The following INSRR variants were observed in gnomAD, a reference collection of about 807,000 sequenced individuals.
INSRR encodes insulin receptor related receptor, also known as insulin receptor-related protein.
INSRR carries 114 observed loss-of-function variants against 130.0 expected under a neutral mutation model. The observed-to-expected ratio is 0.88, with a 90% CI of 0.75 to 1.02. The LOEUF is 1.02. Ranked by LOEUF, INSRR falls within the 50% of genes least tolerant of loss-of-function variation. The pLI is 0.00. For missense variants in INSRR, 1,657 were observed against 1,735.2 expected (o/e 0.95, Z 0.80); for synonymous variants, 674 against 705.2 (o/e 0.96, Z 0.70).
At position 156,854,106 on chromosome 1, in the gene INSRR, G is replaced by A. The variant is rs756943226; in HGVS notation, c.283C>T (p.Arg95Cys). ...LFRVYGLESL[R>C]DLFPNLAVIR... Reference sequence around the variant, plus strand: ...ACTGCTAGGTTGGGGAAGAGGTCGCGCAGGCTCTCCAGTCCGTAGACACGG... The same window carrying A: ...ACTGCTAGGTTGGGGAAGAGGTCGCACAGGCTCTCCAGTCCGTAGACACGG... Residue 95 changes from arginine (R) to cysteine (C), a missense_variant, in exon 2 of 22, where the codon CGC becomes TGC. Coordinates refer to ENST00000368195, the MANE Select transcript of INSRR (RefSeq NM_014215.3). The surrounding 1 kb of genome is among the most constrained non-coding windows in gnomAD (Gnocchi z 4.2). 2.8e-5 allele frequency: 45 copies of A among 1,613,950 alleles called. No individual in the cohort carries two copies. Among genetic ancestry groups the A allele is most frequent in the Non-Finnish European group, 3.5e-5 (41 of 1,180,044 alleles).
At chr1:156,851,860 G>T in intron 3 of INSRR, 28 bp downstream of exon 3, 2 of 1,574,664 alleles carry the variant, frequency 1.3e-6, no homozygotes, top group Non-Finnish European at 1.7e-6. Context: ...ACTGCTCCCA[G>T]GGTGCCCCCC....
chr1:156,848,526 T>C (rs1379902661), intron 7 of INSRR, among the ~76,000 whole-genome samples: 1 of 152,212 alleles, frequency 6.6e-6, no homozygotes, highest in Non-Finnish European at 1.5e-5. Flanking sequence ...TTCCTAAGGC[T>C]TAAATGAAAT....
intron 19 of INSRR, 119 bp downstream of exon 19, chr1:156,841,993 G>A: frequency 6.4e-7 from 1 of 1,564,608 alleles, no homozygotes. Context: ...ACAGGGTGGG[G>A]GTGACTTGCC....
At chr1:156,850,871 TA>T (rs993393116) in intron 5 of INSRR, among the ~76,000 whole-genome samples, 1 of 152,152 alleles carries the variant, frequency 6.6e-6, no homozygotes. Flanking sequence ...CTTTTTATTT[TA>T]AAAAATGCTG....
intron 5 of INSRR, among the ~76,000 whole-genome samples, chr1:156,851,005 T>C (rs1236922820): frequency 6.6e-6 from 1 of 152,252 alleles, no homozygotes. Flanking sequence ...TAGAGTTATA[T>C]GTGACTGTAA....
At chr1:156,845,528 GC>G in intron 10 of INSRR, 90 bp downstream of exon 10, 1 of 1,444,282 alleles carries the variant, frequency 6.9e-7, no homozygotes. Flanking sequence ...CACAAGCAAG[GC>G]CCCACCCACA....
Position 156,854,133 on chromosome 1 carries a change from A to G in INSRR, c.256T>C (p.Phe86Leu). ...LTQVTDYLLL[F>L]RVYGLESLRD... ...AGGCTCTCCAGTCCGTAGACACGGA[A>G]GAGCAGCAGGTAGTCGGTGACCTGG... The change falls in exon 2 of 22, where the codon TTC becomes CTC. Residue 86 changes from phenylalanine (F) to leucine (L), a missense_variant. By Grantham distance (22) the Phe-to-Leu change is conservative. Coordinates refer to ENST00000368195, the MANE Select transcript of INSRR (RefSeq NM_014215.3). The surrounding 1 kb of genome is among the most constrained non-coding windows in gnomAD (Gnocchi z 4.2). The G allele has an allele frequency of 2.5e-6, 4 of 1,614,168 alleles. No individual in the cohort carries two copies. Among genetic ancestry groups the G allele is most frequent in the Non-Finnish European group, 3.4e-6 (4 of 1,180,034 alleles).
In INSRR at chr1:156,851,305, T is replaced by G; in HGVS notation, c.1214A>C (p.Asp405Ala). 1 of 1,614,118 alleles carries G rather than the reference T, an allele frequency of 6.2e-7. No individual in the cohort carries two copies. The highest frequency in any genetic ancestry group is 1.3e-5 in the African/African-American group (1 of 75,018). ...FFKNLKLIRG[D>A]AMVDGNYTLY... ...TAACCCTTACCCATCCACCATGGCG[T>G]CTCCCCGGATTAGTTTGAGGTTCTT... The change falls in exon 5 of 22, where the codon GAC (aspartate) becomes GCC (alanine). Residue 405 changes from aspartate to alanine, a missense_variant. Asp to Ala is a moderately radical substitution (Grantham distance 126). Coordinates refer to ENST00000368195, the MANE Select transcript of INSRR (RefSeq NM_014215.3).
chr1:156,858,446 G>A, intron 1 of INSRR, 91 bp downstream of exon 1: 2 of 904,166 alleles, frequency 2.2e-6, no homozygotes, highest in Non-Finnish European at 3.7e-6. Flanking sequence ...TGCAGAGTAA[G>A]TGGAGGTGCT....
At position 156,843,534 on chromosome 1, in the gene INSRR, A is replaced by G. The variant is rs1213581068; in HGVS notation, c.2844-55T>C. The G allele has an allele frequency of 1.6e-5, 24 of 1,533,000 alleles. No homozygotes were observed. In the East Asian group the frequency reaches 5.4e-4, roughly 34 times the overall value. The allele number at this position is 1,533,000 out of a possible 1,614,324, so 95.0% of individuals were successfully genotyped here. On this transcript the variant is annotated intron_variant, in intron 15 of 21. Transcript: ENST00000368195. ...GAAGGGTTCTCAGGAAGGAATGAGC[A>G]ACATCAGAAGAAGGAAGAAGGACAT...
chr1:156,844,107 C>T lies in INSRR; in HGVS notation c.2843+68G>A, dbSNP rs909007603. On this transcript the variant is annotated intron_variant, in intron 15 of 21. Transcript: ENST00000368195. ...TCTTTCTACTGTCTCATCTACCTCC[C>T]TTTGACAGACTTTATGATGAGGGCT... is the stretch of plus-strand genomic sequence containing the variant. The T allele has an allele frequency of 3.2e-5, 38 of 1,182,786 alleles. No homozygotes were observed. In the Admixed American group the frequency reaches 6.7e-4, roughly 21 times the overall value. The allele number at this position is 1,182,786 out of a possible 1,614,324, so 73.3% of individuals were successfully genotyped here. A position where few individuals can be genotyped will look rare whatever the true frequency, so the allele number is the denominator to read the frequency against.
intron 10 of INSRR, 81 bp downstream of exon 10, chr1:156,845,538 C>CCA: frequency 2.0e-5 from 26 of 1,301,666 alleles, no homozygotes; most frequent in African/African-American, 5.9e-5. Flanking sequence ...GCCCCACCCA[C>CCA]AAACCCCACC....
chr1:156,844,388 G>A, intron 14 of INSRR, 74 bp downstream of exon 14: 2 of 1,568,246 alleles, frequency 1.3e-6, no homozygotes, highest in South Asian at 2.3e-5. Context: ...GGATGCGGGG[G>A]AGGGGCCTGT....
At chr1:156,850,089 AC>A (rs1655149307) in intron 5 of INSRR, among the ~76,000 whole-genome samples, 1 of 151,940 alleles carries the variant, frequency 6.6e-6, no homozygotes, top group South Asian at 2.1e-4. Context: ...TTTTATAGAG[AC>A]AGAGTTTCAC....
At chr1:156,845,926 C>T (rs1448139296) in intron 9 of INSRR, 26 bp downstream of exon 9, 2 of 1,605,540 alleles carry the variant, frequency 1.2e-6, no homozygotes, top group Non-Finnish European at 1.7e-6. Context: ...CGCCCCGCGG[C>T]CGGCCTGCGC....
intron 21 of INSRR, 33 bp downstream of exon 21, chr1:156,841,361 A>G (rs1654773452): frequency 6.2e-7 from 1 of 1,606,884 alleles, no homozygotes; most frequent in Non-Finnish European, 8.5e-7. Flanking sequence ...TAGGTAGATC[A>G]ACAATGAGGA....
chr1:156,846,593 G>A lies in INSRR; in HGVS notation c.1736C>T (p.Thr579Met), dbSNP rs377121387. 22 of 1,614,160 alleles carry A rather than the reference G, an allele frequency of 1.4e-5. No individual in the cohort carries two copies. Among genetic ancestry groups the A allele is most frequent in the Middle Eastern group, 1.6e-4 (1 of 6,062 alleles). The stretch of plus-strand genomic sequence containing the variant: ...AGGGCTGTCCTCCTCAGTGGTTAGC[G>A]TGATGGCCCGCACAAACACTGCGTA... ...TQYAVFVRAI[T>M]LTTEEDSPHQ... is the part of the protein sequence containing the mutation. Residue 579 changes from threonine to methionine, a missense_variant, in exon 8 of 22, where the codon ACG becomes ATG. Transcript: ENST00000368195.
chr1:156,844,490 G>C lies in INSRR; in HGVS notation c.2709C>G (p.Asp903Glu), dbSNP rs148981168. Residue 903 changes from aspartate (D) to glutamate (E), a missense_variant, in exon 14 of 22, where the codon GAC (aspartate) becomes GAG (glutamate). Physicochemically the swap from Asp to Glu is conservative, Grantham distance 45 (BLOSUM62 2). Transcript: ENST00000368195. The stretch of plus-strand genomic sequence containing the variant: ...GGCCAAGGATGTAGAAGGCAACACT[G>C]TCTGTCCAAGAGCCATTGCCAGCCA... ...TSLAGNGSWT[D>E]SVAFYILGPE... The C allele has an allele frequency of 5.5e-5, 89 of 1,613,948 alleles. No homozygotes were observed. The highest frequency in any genetic ancestry group is 1.6e-4 in the Middle Eastern group (1 of 6,080).
At position 156,845,637 on chromosome 1, in the gene INSRR, T is replaced by C; in HGVS notation, c.2156A>G (p.Asn719Ser). Residue 719 changes from asparagine (N) to serine (S), a missense_variant, in exon 10 of 22, where the codon AAC (asparagine) becomes AGC (serine). Coordinates refer to ENST00000368195, the MANE Select transcript of INSRR (RefSeq NM_014215.3). The part of the protein sequence containing the change: ...FQKKFENFLH[N>S]AITIPISPWK... ...TTCGCACATGGGGATGGTGATCGCG[T>C]TGTGTAGAAAGTTTTCAAACTTCTT... 1 of 1,501,022 alleles carries C rather than the reference T, an allele frequency of 6.7e-7. No homozygotes were observed. Among genetic ancestry groups the C allele is most frequent in the Non-Finnish European group, 9.0e-7 (1 of 1,109,508 alleles). The allele number at this position is 1,501,022 out of a possible 1,614,324, so 93.0% of individuals were successfully genotyped here.
Sources: allele counts gnomAD v4.1 joint callset (sites outside exome capture counted in the v4.1 genomes callset), GRCh38; gene constraint gnomAD v4.1.1; non-coding constraint Gnocchi (gnomAD v3.1); transcripts MANE v1.5; gene names NCBI Gene and HGNC (gene_info 2026-07-23, HGNC 2026-07-21).